The following PTPRD variants were observed in gnomAD, a reference collection of about 807,000 sequenced individuals.
PTPRD encodes the protein receptor-type tyrosine-protein phosphatase delta.
PTPRD carries 34 observed loss-of-function variants against 214.5 expected under a neutral mutation model. The observed-to-expected ratio is 0.16, with a 90% CI of 0.12 to 0.21. The LOEUF (loss-of-function observed/expected upper bound fraction) is 0.21, where lower values mean the gene tolerates loss of function less well. Ranked by LOEUF, PTPRD falls within the 10% of genes least tolerant of loss-of-function variation. The probability of loss-of-function intolerance (pLI) is 1.00; values close to 1 mark genes in which losing one functional copy is unlikely to be tolerated. For synonymous variants in PTPRD, 1,128 were observed against 845.7 expected (o/e 1.33, Z -5.79); for missense variants, 2,545 against 2,398.7 (o/e 1.06, Z -1.27).
intron 9 of PTPRD, among the ~76,000 whole-genome samples, chr9:9,347,211 G>T (rs1287927437): frequency 6.6e-6 from 1 of 151,668 alleles, no homozygotes; most frequent in Non-Finnish European, 1.5e-5. Context: ...AAGATGATTA[G>T]ATTTTATTTT....
At chr9:10,452,254 G>T (rs982208007) in intron 2 of PTPRD, among the ~76,000 whole-genome samples, 44 of 151,796 alleles carry the variant, frequency 2.9e-4, no homozygotes, top group Non-Finnish European at 1.5e-4. Flanking sequence ...TCCATACGTT[G>T]GTCATTGTGA....
Position 10,159,317 on chromosome 9 carries a change from G to T in PTPRD, c.-544-125527C>A, listed in dbSNP as rs1193936974. ...AAATATATCTAAGCAAATATAGTCA[G>T]GAAAATATTGCAAATATATCTAAGC... On this transcript the variant is annotated intron_variant, in intron 3 of 45. Transcript: ENST00000381196. Among the ~76,000 whole-genome samples the T allele has an allele frequency of 2.0e-5, 3 of 151,756 alleles. No individual in the cohort carries two copies. In the East Asian group the frequency reaches 5.8e-4, roughly 29 times the overall value.
chr9:9,397,787 CAG>C (rs2068478354), intron 8 of PTPRD, among the ~76,000 whole-genome samples: 1 of 151,912 alleles, frequency 6.6e-6, no homozygotes, highest in Non-Finnish European at 1.5e-5. Context: ...GGCAAAAATA[CAG>C]AGTCATCTCT....
At chr9:8,741,678 C>A (rs1311459285) in intron 11 of PTPRD, among the ~76,000 whole-genome samples, 2 of 144,684 alleles carry the variant, frequency 1.4e-5, no homozygotes, top group Non-Finnish European at 3.0e-5. Context: ...CCAACCCCCA[C>A]TTCCCAGGTT....
chr9:10,265,333 C>A (rs1301300129), intron 3 of PTPRD, among the ~76,000 whole-genome samples: 1 of 152,124 alleles, frequency 6.6e-6, no homozygotes, highest in Non-Finnish European at 1.5e-5. Context: ...CAGCTAACAG[C>A]CAGTAACAAC....
chr9:9,867,658 C>A (rs1304815108), intron 5 of PTPRD, among the ~76,000 whole-genome samples: 3 of 152,122 alleles, frequency 2.0e-5, no homozygotes, highest in African/African-American at 7.2e-5. Context: ...AAGATATAAT[C>A]TCCCCAAATC....
intron 11 of PTPRD, among the ~76,000 whole-genome samples, chr9:8,737,220 G>A (rs1290874954): frequency 6.6e-6 from 1 of 152,138 alleles, no homozygotes; most frequent in African/African-American, 2.4e-5. Flanking sequence ...CTCTAGAAAC[G>A]AATGCAGGTA....
At chr9:10,557,149 A>T (rs954828213) in intron 2 of PTPRD, among the ~76,000 whole-genome samples, 1 of 152,138 alleles carries the variant, frequency 6.6e-6, no homozygotes, top group African/African-American at 2.4e-5. Flanking sequence ...AAATTAGTAG[A>T]AATAACAGAA....
At chr9:9,632,100 G>A (rs1049905138) in intron 7 of PTPRD, among the ~76,000 whole-genome samples, 10 of 152,142 alleles carry the variant, frequency 6.6e-5, no homozygotes, top group Non-Finnish European at 1.3e-4. Context: ...ACTTGTATGT[G>A]TACATTCATA....
At chr9:10,555,947 A>G (rs1465131774) in intron 2 of PTPRD, among the ~76,000 whole-genome samples, 1 of 152,192 alleles carries the variant, frequency 6.6e-6, no homozygotes, top group Non-Finnish European at 1.5e-5. Context: ...ATACAGGGAA[A>G]TGTATGCTAG....
At chr9:9,790,237 C>T (rs948938836) in intron 5 of PTPRD, among the ~76,000 whole-genome samples, 152 of 152,206 alleles carry the variant, frequency 1.0e-3, no homozygotes, top group African/African-American at 3.5e-3. Flanking sequence ...TTGTCTTGGA[C>T]ATTGGACAAT....
intron 9 of PTPRD, among the ~76,000 whole-genome samples, chr9:9,240,105 A>T (rs2099969632): frequency 6.6e-6 from 1 of 152,168 alleles, no homozygotes; most frequent in African/African-American, 2.4e-5. Flanking sequence ...AAATTCAATA[A>T]GATATAAGTG....
chr9:10,102,408 A>T (rs1483391036), intron 3 of PTPRD, among the ~76,000 whole-genome samples: 8 of 55,164 alleles, frequency 1.5e-4, no homozygotes, highest in African/African-American at 8.1e-4. Flanking sequence ...ATGTCAATAT[A>T]AAAAAACCCA....
chr9:9,195,165 G>T (rs1437836298), intron 9 of PTPRD, among the ~76,000 whole-genome samples: 1 of 149,554 alleles, frequency 6.7e-6, no homozygotes, highest in African/African-American at 2.5e-5. Context: ...CAAACAAATT[G>T]TTAAGCTGAC....
chr9:10,591,074 C>A (rs992112078), intron 2 of PTPRD, among the ~76,000 whole-genome samples: 10 of 151,440 alleles, frequency 6.6e-5, no homozygotes, highest in African/African-American at 2.4e-4. Flanking sequence ...GACTGATGGG[C>A]AGATTCCAAT....
At chr9:10,514,167 A>G (rs551402951) in intron 2 of PTPRD, among the ~76,000 whole-genome samples, 3 of 152,266 alleles carry the variant, frequency 2.0e-5, no homozygotes, top group African/African-American at 7.2e-5. Flanking sequence ...TGAATAATCA[A>G]CTACCAATCA....
At chr9:8,377,280 T>G (rs112362073) in intron 37 of PTPRD, among the ~76,000 whole-genome samples, 2,493 of 152,188 alleles carry the variant, frequency 0.016, 80 homozygotes, top group African/African-American at 0.057. Context: ...ATTAAACCTA[T>G]AATGTCTGCA....
chr9:8,691,342 G>A (rs962754446), intron 12 of PTPRD, among the ~76,000 whole-genome samples: 1 of 151,582 alleles, frequency 6.6e-6, no homozygotes, highest in African/African-American at 2.4e-5. Context: ...AATTTCTGAG[G>A]AGAGTGTCTA....
rs117215167 is a variant in PTPRD, at chr9:9,135,361, C to A, written c.-143+47943G>T. 7.7e-3 allele frequency among the ~76,000 whole-genome samples: 1,168 copies of A among 152,174 alleles called. 14 individuals carry two copies. Among genetic ancestry groups the A allele is most frequent in the Middle Eastern group, 0.024 (7 of 292 alleles). ...TTGGTTCAGAGAAACATTTAACCTC[C>A]CTAGTTCTGGATTGAATTTTTTGAA... is the stretch of plus-strand genomic sequence containing the variant. On this transcript the variant is annotated intron_variant, in intron 10 of 45. Coordinates refer to ENST00000381196, the MANE Select transcript of PTPRD (RefSeq NM_002839.4).
Sources: gnomAD v4.1 joint callset for allele counts (sites outside exome capture counted in the v4.1 genomes callset) on GRCh38, gnomAD v4.1.1 for gene constraint, MANE v1.5 for transcripts, NCBI Gene and HGNC (gene_info 2026-07-23, HGNC 2026-07-21) for gene names.